MAP3K2: variants seen among roughly 807,000 people sequenced by gnomAD.
MAP3K2 encodes the protein mitogen-activated protein kinase kinase kinase 2.
In MAP3K2, 24 loss-of-function variants were observed where a neutral mutation model predicts 80.3. That is an observed-to-expected ratio of 0.30 (90% CI 0.22 to 0.42). The LOEUF is 0.42. MAP3K2 is among the 10% of genes least tolerant of loss of function. The pLI is 1.00. For synonymous variants in MAP3K2, 244 were observed against 253.7 expected (o/e 0.96, Z 0.36); for missense variants, 608 against 750.1 (o/e 0.81, Z 2.21).
intron 12 of MAP3K2, among the ~76,000 whole-genome samples, chr2:127,318,627 C>T (rs1485627337): frequency 6.6e-6 from 1 of 152,110 alleles, no homozygotes; most frequent in African/African-American, 2.4e-5. Context: ...GTAAGATGCA[C>T]CATTTCTATT....
At chr2:127,316,605 A>G (rs991997870) in intron 14 of MAP3K2, among the ~76,000 whole-genome samples, 3 of 152,230 alleles carry the variant, frequency 2.0e-5, no homozygotes, top group Non-Finnish European at 4.4e-5. Flanking sequence ...TGCCACTGCT[A>G]TACCTCATAT....
chr2:127,315,759 T>C (rs1005400324), intron 14 of MAP3K2, among the ~76,000 whole-genome samples: 1 of 151,976 alleles, frequency 6.6e-6, no homozygotes, highest in Non-Finnish European at 1.5e-5. Context: ...GCCAACAGGG[T>C]GAAACCCCAT....
intron 16 of MAP3K2, 145 bp downstream of exon 16, chr2:127,308,440 A>G: frequency 1.6e-6 from 1 of 639,154 alleles, no homozygotes; most frequent in Non-Finnish European, 2.5e-6. Flanking sequence ...AATAAGGCAC[A>G]ATTAATATAG....
At position 127,303,357 on chromosome 2, in the gene MAP3K2, T is replaced by A. The variant is rs1275901674; in HGVS notation, c.*4222A>T. Reference sequence around the variant, plus strand: ...AAAAAAAAAGAACAAAAAAACACTGTTATGGAATAAATGCTCCCCATCACC... The same window carrying A: ...AAAAAAAAAGAACAAAAAAACACTGATATGGAATAAATGCTCCCCATCACC... On this transcript the variant is annotated 3_prime_UTR_variant, in exon 17 of 17. Coordinates refer to ENST00000682094, the MANE Select transcript of MAP3K2 (RefSeq NM_001371910.2). 6.6e-6 allele frequency: 1 copy of A among 150,688 alleles called. No homozygotes were observed. The highest frequency in any genetic ancestry group is 1.5e-5 in the Non-Finnish European group (1 of 67,730). 9.3% of individuals were successfully genotyped at this position (150,688 alleles called of 1,614,324 possible).
intron 15 of MAP3K2, among the ~76,000 whole-genome samples, chr2:127,314,214 G>A (rs983781976): frequency 6.6e-6 from 1 of 152,210 alleles, no homozygotes; most frequent in African/African-American, 2.4e-5. Context: ...TCAAAGCTCA[G>A]TTTGGGGCTC....
chr2:127,374,462 G>A (rs760686879), intron 1 of MAP3K2, among the ~76,000 whole-genome samples: 7 of 152,140 alleles, frequency 4.6e-5, no homozygotes, highest in East Asian at 1.9e-4. Context: ...CAAAACTTGA[G>A]AAACTTATCT....
At chr2:127,335,826 CT>C in intron 5 of MAP3K2, 43 bp downstream of exon 5, 1 of 1,086,138 alleles carries the variant, frequency 9.2e-7, no homozygotes. Context: ...GAACACATTA[CT>C]TTTGAAGGTA....
In MAP3K2 at chr2:127,339,632, GC is replaced by G. The variant is rs562496562; in HGVS notation, c.5-583del. Among the ~76,000 whole-genome samples, 127 of 152,242 alleles carry G rather than the reference GC, an allele frequency of 8.3e-4. No homozygotes were observed. The highest frequency in any genetic ancestry group is 1.6e-3 in the Admixed American group (25 of 15,294). ...ACAGACTATTTAAAGATCTTGGCCA[GC>G]AACAATGTAAGAAAATTCCTTTCCT... On this transcript the variant is annotated intron_variant, in intron 2 of 16. Coordinates refer to ENST00000682094, the MANE Select transcript of MAP3K2 (RefSeq NM_001371910.2). The surrounding 1 kb of genome is among the most constrained non-coding windows in gnomAD (Gnocchi z 4.2).
At chr2:127,331,304 T>A (rs1686251736) in intron 5 of MAP3K2, among the ~76,000 whole-genome samples, 1 of 152,142 alleles carries the variant, frequency 6.6e-6, no homozygotes, top group Non-Finnish European at 1.5e-5. Flanking sequence ...AACTTCAAAG[T>A]ATATTCCATT....
intron 5 of MAP3K2, 51 bp from the exon 6 acceptor site, chr2:127,330,556 T>A: frequency 1.3e-6 from 1 of 799,202 alleles, no homozygotes; most frequent in Non-Finnish European, 2.1e-6. Context: ...GTCAAGTTCT[T>A]CCATGAGCAT....
chr2:127,371,942 A>G (rs545552209), intron 1 of MAP3K2, among the ~76,000 whole-genome samples: 34 of 152,336 alleles, frequency 2.2e-4, no homozygotes, highest in Middle Eastern at 3.4e-3. Flanking sequence ...CCTGCTGCAA[A>G]CTGGGGCAAT....
At chr2:127,317,235 G>C (rs576686498) in intron 14 of MAP3K2, among the ~76,000 whole-genome samples, 15 of 152,138 alleles carry the variant, frequency 9.9e-5, no homozygotes, top group African/African-American at 3.6e-4. Context: ...CTAGGTAACA[G>C]AGTGAGACCT....
chr2:127,355,062 C>G (rs1686773647), intron 1 of MAP3K2, among the ~76,000 whole-genome samples: 1 of 152,054 alleles, frequency 6.6e-6, no homozygotes, highest in African/African-American at 2.4e-5. Flanking sequence ...GACACTAAGA[C>G]AAACTGAAAG....
At chr2:127,341,077 C>A (rs1162859562) in intron 2 of MAP3K2, among the ~76,000 whole-genome samples, 2 of 152,014 alleles carry the variant, frequency 1.3e-5, no homozygotes, top group Non-Finnish European at 2.9e-5. Context: ...GCAAGCTCCA[C>A]TTCCCGGGTT....
chr2:127,338,596 G>A (rs893304723), intron 3 of MAP3K2, among the ~76,000 whole-genome samples: 6 of 152,076 alleles, frequency 3.9e-5, no homozygotes, highest in Non-Finnish European at 7.4e-5. Context: ...TTGGTTTTCT[G>A]TTCCTGCATT....
At chr2:127,312,723 G>A (rs1358622583) in intron 15 of MAP3K2, among the ~76,000 whole-genome samples, 1 of 152,142 alleles carries the variant, frequency 6.6e-6, no homozygotes, top group Non-Finnish European at 1.5e-5. Flanking sequence ...AGCGCTTTGA[G>A]AGGCCGAGGC....
intron 1 of MAP3K2, among the ~76,000 whole-genome samples, chr2:127,385,133 G>T (rs906246903): frequency 6.6e-6 from 1 of 152,200 alleles, no homozygotes; most frequent in Non-Finnish European, 1.5e-5. Flanking sequence ...GTTCTATGGT[G>T]AGTAAAATGT....
At chr2:127,370,127 C>A (rs548451788) in intron 1 of MAP3K2, among the ~76,000 whole-genome samples, 1 of 151,402 alleles carries the variant, frequency 6.6e-6, no homozygotes, top group South Asian at 2.1e-4. Context: ...TGGGGGTGGG[C>A]GCAGCACGAC....
rs1489824355 is a variant in MAP3K2 at position 127,304,963 on chromosome 2, C to T, written c.*2616G>A. 1 of 152,456 alleles carries T rather than the reference C, an allele frequency of 6.6e-6. No individual in the cohort carries two copies. The highest frequency in any genetic ancestry group is 1.9e-4 in the East Asian group (1 of 5,196). 9.4% of individuals were successfully genotyped at this position (152,456 alleles called of 1,614,324 possible). A position where few individuals can be genotyped will look rare whatever the true frequency, so the allele number is the denominator to read the frequency against. On this transcript the variant is annotated 3_prime_UTR_variant, in exon 17 of 17. Coordinates refer to ENST00000682094, the MANE Select transcript of MAP3K2 (RefSeq NM_001371910.2). ...GTCTTTACATAAAGAACATTACTTT[C>T]CCATAGCTAATAATATTTTTCTTAT...
Sources: allele counts gnomAD v4.1 joint callset (sites outside exome capture counted in the v4.1 genomes callset), GRCh38; gene constraint gnomAD v4.1.1; non-coding constraint Gnocchi (gnomAD v3.1); transcripts MANE v1.5; gene names NCBI Gene and HGNC (gene_info 2026-07-23, HGNC 2026-07-21).